BMF: variants seen among roughly 807,000 people sequenced by gnomAD.
The protein encoded by BMF is bcl-2-modifying factor.
BMF carries 10 observed loss-of-function variants against 22.0 expected under a neutral mutation model. That is an observed-to-expected ratio of 0.45 (90% CI 0.28 to 0.77). The LOEUF is 0.77. Ranked by LOEUF, BMF falls within the 30% of genes least tolerant of loss-of-function variation. The pLI is 0.13. For synonymous variants in BMF, 87 were observed against 88.1 expected (o/e 0.99, Z 0.07); for missense variants, 206 against 226.8 (o/e 0.91, Z 0.59).
Position 40,089,770 on chromosome 15 carries a change from G to A in BMF, c.*2017C>T, listed in dbSNP as rs2036199958. 6.6e-6 allele frequency: 1 copy of A among 152,280 alleles called. No individual in the cohort carries two copies. The highest frequency in any genetic ancestry group is 1.5e-5 in the Non-Finnish European group (1 of 68,058). The allele number at this position is 152,280 out of a possible 1,614,324, so 9.4% of individuals were successfully genotyped here. On this transcript the variant is annotated 3_prime_UTR_variant, in exon 5 of 5. Coordinates refer to ENST00000354670, the MANE Select transcript of BMF (RefSeq NM_001003940.2). ...GGCTGCCTGTCACCACCTTGATCCA[G>A]AGAGGGGAGAACAACGTATGTCCCA...
intron 2 of BMF, among the ~76,000 whole-genome samples, chr15:40,107,574 G>T (rs1363704650): frequency 6.9e-6 from 1 of 145,062 alleles, no homozygotes; most frequent in South Asian, 2.2e-4. Flanking sequence ...GTGTGTGTGT[G>T]TATGGGGAGG....
intron 4 of BMF, among the ~76,000 whole-genome samples, chr15:40,097,674 G>A (rs2036394025): frequency 6.6e-6 from 1 of 152,226 alleles, no homozygotes; most frequent in African/African-American, 2.4e-5. Context: ...AAAGTCCAAG[G>A]TTGCTGTGGT....
At chr15:40,098,468 G>GGTTCGGGT (rs2036410043) in intron 4 of BMF, among the ~76,000 whole-genome samples, 1 of 152,148 alleles carries the variant, frequency 6.6e-6, no homozygotes, top group Non-Finnish European at 1.5e-5. Flanking sequence ...AGAGGGAGGG[G>GGTTCGGGT]GTTCGGGGGA....
Position 40,106,272 on chromosome 15 carries a change from T to C in BMF, c.-5-181A>G, listed in dbSNP as rs2036585884. On this transcript the variant is annotated intron_variant, in intron 2 of 4. Coordinates refer to ENST00000354670, the MANE Select transcript of BMF (RefSeq NM_001003940.2). The surrounding 1 kb of genome is among the most constrained non-coding windows in gnomAD (Gnocchi z 4.1). ...AAGGGTGACATTCACTCCCCAAATG[T>C]GGACTGCCTGAATGTTCAGGGGCTC... The C allele has an allele frequency of 1.5e-6, 1 of 662,526 alleles. No individual in the cohort carries two copies. The highest frequency in any genetic ancestry group is 2.4e-6 in the Non-Finnish European group (1 of 419,538). 41.0% of individuals were successfully genotyped at this position (662,526 alleles called of 1,614,324 possible).
In BMF at chr15:40,102,087, G is replaced by A. The variant is rs139754707; in HGVS notation, c.453+2093C>T. Among the ~76,000 whole-genome samples the A allele has an allele frequency of 4.8e-3, 726 of 152,234 alleles. 4 individuals carry two copies. The highest frequency in any genetic ancestry group is 0.01 in the Middle Eastern group (3 of 294). ...AACACCTTGTCTAAAACTAACCTGT[G>A]CATGCAAAGAGGCAGCTCTGAACTG... On this transcript the variant is annotated intron_variant, in intron 4 of 4. Coordinates refer to ENST00000354670, the MANE Select transcript of BMF (RefSeq NM_001003940.2).
intron 4 of BMF, among the ~76,000 whole-genome samples, chr15:40,102,952 G>T (rs1390486467): frequency 2.0e-5 from 3 of 152,174 alleles, no homozygotes; most frequent in African/African-American, 7.2e-5. Flanking sequence ...AAGGGACTGG[G>T]AGGACTTACC....
intron 4 of BMF, among the ~76,000 whole-genome samples, chr15:40,093,621 C>A (rs1320034615): frequency 1.3e-5 from 2 of 152,306 alleles, no homozygotes; most frequent in East Asian, 3.9e-4. Context: ...GTGCAGAGGT[C>A]ATGTGGCCGA....
At chr15:40,093,575 C>A (rs1239316688) in intron 4 of BMF, among the ~76,000 whole-genome samples, 1 of 152,212 alleles carries the variant, frequency 6.6e-6, no homozygotes, top group Non-Finnish European at 1.5e-5. Context: ...GCCAAAGACC[C>A]CCTCTCCTCC....
rs1279573504 is a variant in BMF, at chr15:40,091,553, G to A, written c.*234C>T. 2.1e-6 allele frequency: 1 copy of A among 471,138 alleles called. No homozygotes were observed. 29.2% of individuals were successfully genotyped at this position (471,138 alleles called of 1,614,324 possible). A position where few individuals can be genotyped will look rare whatever the true frequency, so the allele number is the denominator to read the frequency against. On this transcript the variant is annotated 3_prime_UTR_variant, in exon 5 of 5. Transcript: ENST00000354670. Reference sequence around the variant, plus strand: ...AATTCTCACCATCACAGACACATCAGCCTCTCCTTCAACAGTGTTTGACAA... The same window carrying A: ...AATTCTCACCATCACAGACACATCAACCTCTCCTTCAACAGTGTTTGACAA...
At position 40,104,170 on chromosome 15, in the gene BMF, C is replaced by T. The variant is rs1334416779; in HGVS notation, c.453+10G>A. The T allele has an allele frequency of 2.5e-6, 4 of 1,614,006 alleles. No homozygotes were observed. The highest frequency in any genetic ancestry group is 3.4e-6 in the Non-Finnish European group (4 of 1,179,986). The stretch of plus-strand genomic sequence containing the variant: ...GACTCAACCCTCCTCCCCTAAACCC[C>T]CGTGCCTACTTGCTGCACATGAAGC... On this transcript the variant is annotated intron_variant, in intron 4 of 4. Coordinates refer to ENST00000354670, the MANE Select transcript of BMF (RefSeq NM_001003940.2).
intron 4 of BMF, among the ~76,000 whole-genome samples, chr15:40,101,913 TG>T (rs2036483744): frequency 6.6e-6 from 1 of 152,064 alleles, no homozygotes; most frequent in Non-Finnish European, 1.5e-5. Context: ...CTCCTACCCT[TG>T]TAAGTAAGAA....
At chr15:40,096,152 C>G (rs1212962981) in intron 4 of BMF, among the ~76,000 whole-genome samples, 1 of 146,998 alleles carries the variant, frequency 6.8e-6, no homozygotes, top group African/African-American at 2.6e-5. Context: ...TAAAAGGCCT[C>G]CTTTTTTTTT....
At chr15:40,098,847 T>C (rs1309623824) in intron 4 of BMF, among the ~76,000 whole-genome samples, 1 of 152,114 alleles carries the variant, frequency 6.6e-6, no homozygotes, top group African/African-American at 2.4e-5. Flanking sequence ...GCCCTTCTCC[T>C]GGAAGAGAGA....
rs541127975 is a variant in BMF, at chr15:40,091,532, C to T, written c.*255G>A. On this transcript the variant is annotated 3_prime_UTR_variant, in exon 5 of 5. Transcript: ENST00000354670. ...CTACTTGTCAGAGCCCTTGGGAATT[C>T]TCACCATCACAGACACATCAGCCTC... is the stretch of plus-strand genomic sequence containing the variant. The T allele has an allele frequency of 1.5e-5, 6 of 391,362 alleles. No individual in the cohort carries two copies. The highest frequency in any genetic ancestry group is 1.0e-4 in the African/African-American group (5 of 49,474). 24.2% of individuals were successfully genotyped at this position (391,362 alleles called of 1,614,324 possible). A position where few individuals can be genotyped will look rare whatever the true frequency, so the allele number is the denominator to read the frequency against.
At chr15:40,102,452 C>T (rs2036498598) in intron 4 of BMF, among the ~76,000 whole-genome samples, 1 of 149,790 alleles carries the variant, frequency 6.7e-6, no homozygotes, top group South Asian at 2.1e-4. Flanking sequence ...AGGGCCAGAC[C>T]TTGGGATAAG....
rs1297476148 is a variant in BMF at position 40,089,145 on chromosome 15, T to G, written c.*2642A>C. 1 of 150,290 alleles carries G rather than the reference T, an allele frequency of 6.7e-6. No individual in the cohort carries two copies. Among genetic ancestry groups the G allele is most frequent in the Non-Finnish European group, 1.5e-5 (1 of 67,560 alleles). 9.3% of individuals were successfully genotyped at this position (150,290 alleles called of 1,614,324 possible). On this transcript the variant is annotated 3_prime_UTR_variant, in exon 5 of 5. Coordinates refer to ENST00000354670, the MANE Select transcript of BMF (RefSeq NM_001003940.2). ...GACTCTCCCTCCCTCTAAATCTGAT[T>G]CTCCACCCCTCGCTAGAGACAGCCA...
At chr15:40,092,090 T>C (rs1171360540) in intron 4 of BMF, among the ~76,000 whole-genome samples, 2 of 152,114 alleles carry the variant, frequency 1.3e-5, no homozygotes, top group South Asian at 2.1e-4. Flanking sequence ...CCAAAAACAA[T>C]TGCAGTTTTA....
chr15:40,091,962 TAA>T, intron 4 of BMF, 74 bp from the exon 5 acceptor site: 1 of 1,173,786 alleles, frequency 8.5e-7, no homozygotes, highest in Middle Eastern at 2.5e-4. Context: ...TCATTTCCAG[TAA>T]AAGTTCAGAT....
In BMF at chr15:40,091,416, T is replaced by C. The variant is rs186573904; in HGVS notation, c.*371A>G. The C allele has an allele frequency of 3.8e-4, 67 of 174,152 alleles. No homozygotes were observed. The highest frequency in any genetic ancestry group is 1.4e-3 in the African/African-American group (61 of 42,256). The allele number at this position is 174,152 out of a possible 1,614,324, so 10.8% of individuals were successfully genotyped here. A position where few individuals can be genotyped will look rare whatever the true frequency, so the allele number is the denominator to read the frequency against. On this transcript the variant is annotated 3_prime_UTR_variant, in exon 5 of 5. Transcript: ENST00000354670. ...TCTAATCCACTCTCGATTTCTTAAC[T>C]GAGTTCCTCTGGAAAAACCACAGTC...
Sources: gnomAD v4.1 joint callset for allele counts (sites outside exome capture counted in the v4.1 genomes callset) on GRCh38, gnomAD v4.1.1 for gene constraint, Gnocchi (gnomAD v3.1) non-coding constraint, MANE v1.5 for transcripts, NCBI Gene and HGNC (gene_info 2026-07-23, HGNC 2026-07-21) for gene names.